CFAP77: variants seen among roughly 807,000 people sequenced by gnomAD.
The protein encoded by CFAP77 is cilia and flagella associated protein 77.
CFAP77 carries 25 observed loss-of-function variants against 31.1 expected under a neutral mutation model. The observed-to-expected ratio is 0.80, with a 90% CI of 0.59 to 1.12. The LOEUF is 1.12. Ranked by LOEUF, CFAP77 falls within the 50% of genes most tolerant of loss-of-function variation. The pLI, the probability that CFAP77 is intolerant of heterozygous loss-of-function variation, is 0.00. For synonymous variants in CFAP77, 151 were observed against 159.9 expected, an observed-to-expected ratio of 0.94 and a Z score of 0.42; for missense variants, 377 against 397.3, an observed-to-expected ratio of 0.95 and a Z score of 0.44.
intron 1 of CFAP77, among the ~76,000 whole-genome samples, chr9:132,417,118 CTT>C (rs142153092): frequency 6.5e-5 from 9 of 139,170 alleles, no homozygotes; most frequent in Non-Finnish European, 3.1e-5. Context: ...TTCTTTTTTT[CTT>C]TTTTTTTTTT....
At chr9:132,460,646 A>C (rs908020046) in intron 1 of CFAP77, among the ~76,000 whole-genome samples, 2 of 152,162 alleles carry the variant, frequency 1.3e-5, no homozygotes, top group Admixed American at 6.5e-5. Context: ...CTCAACGGGT[A>C]TGAGATAACC....
intron 3 of CFAP77, among the ~76,000 whole-genome samples, chr9:132,506,635 A>G (rs1340179848): frequency 6.6e-6 from 1 of 152,098 alleles, no homozygotes; most frequent in Non-Finnish European, 1.5e-5. Flanking sequence ...CACATGGGCC[A>G]GATGGAAGGT....
rs141042523 is a variant in CFAP77, at chr9:132,448,768, G to C, written c.195+38302G>C. Among the ~76,000 whole-genome samples the C allele has an allele frequency of 9.0e-3, 1,371 of 152,212 alleles. 9 individuals are homozygous for C. The highest frequency in any genetic ancestry group is 0.015 in the Non-Finnish European group (1,045 of 68,000). On this transcript the variant is annotated intron_variant, in intron 1 of 5. Coordinates refer to ENST00000393216, the MANE Select transcript of CFAP77 (RefSeq NM_001282957.2). ...TATCCAGCTAATTTTTGTATTTTTA[G>C]TAGAGACGGGGTTTCACCATGTTGG...
rs1406341275 is a variant in CFAP77 at position 132,565,726 on chromosome 9, C to T, written c.733-6662C>T. On this transcript the variant is annotated intron_variant, in intron 5 of 5. Transcript: ENST00000393216. This position sits in a 1 kb window ranked among gnomAD's most constrained non-coding sequence, Gnocchi z 4.1. ...GCTTCCCAAGATGTCTCCCTGGGTC[C>T]ATGTGGGCTCTGCCTTCCTGGCAGG... Among the ~76,000 whole-genome samples the T allele has an allele frequency of 6.6e-6, 1 of 152,170 alleles. No individual in the cohort carries two copies. The highest frequency in any genetic ancestry group is 1.5e-5 in the Non-Finnish European group (1 of 68,022).
chr9:132,553,594 T>C (rs1852854000), intron 5 of CFAP77, among the ~76,000 whole-genome samples: 1 of 152,186 alleles, frequency 6.6e-6, no homozygotes, highest in Non-Finnish European at 1.5e-5. Context: ...AATCACCTTC[T>C]CTCCCTTCCA....
intron 1 of CFAP77, among the ~76,000 whole-genome samples, chr9:132,438,980 A>G (rs1253828260): frequency 6.7e-6 from 1 of 149,438 alleles, no homozygotes; most frequent in Non-Finnish European, 1.5e-5. Context: ...GGTTCAAGCG[A>G]TTCTCCCACC....
chr9:132,417,506 G>T (rs1265113647), intron 1 of CFAP77, among the ~76,000 whole-genome samples: 1 of 152,226 alleles, frequency 6.6e-6, no homozygotes, highest in Non-Finnish European at 1.5e-5. Context: ...AGAGAGGAAG[G>T]CCAGCAGTGT....
intron 5 of CFAP77, among the ~76,000 whole-genome samples, chr9:132,559,344 TGC>T (rs1564252522): frequency 8.8e-5 from 2 of 22,786 alleles, no homozygotes; most frequent in African/African-American, 3.5e-4. Context: ...GACTCTGTCT[TGC>T]AAAAAAAAAA....
chr9:132,435,673 T>C (rs1196642225), intron 1 of CFAP77, among the ~76,000 whole-genome samples: 2 of 152,196 alleles, frequency 1.3e-5, no homozygotes, highest in African/African-American at 4.8e-5. Flanking sequence ...GCAGACTTAA[T>C]GTCTACACCA....
intron 1 of CFAP77, among the ~76,000 whole-genome samples, chr9:132,471,697 G>GTT (rs940649246): frequency 2.0e-5 from 3 of 151,572 alleles, no homozygotes; most frequent in Non-Finnish European, 2.9e-5. Context: ...TTTTTGTTTT[G>GTT]TTTTGTTTTG....
In CFAP77 at chr9:132,420,774, A is replaced by G. The variant is rs549643659; in HGVS notation, c.195+10308A>G. The stretch of plus-strand genomic sequence containing the variant: ...CATAATGTGTACCAGGCACAGTACC[A>G]GGCACCAAGGATACAGGGGTAAACC... On this transcript the variant is annotated intron_variant, in intron 1 of 5. Transcript: ENST00000393216. Among the ~76,000 whole-genome samples, 29 of 152,294 alleles carry G rather than the reference A, an allele frequency of 1.9e-4. 1 individual carries two copies. In the South Asian group the frequency reaches 5.8e-3, roughly 30 times the overall value.
chr9:132,557,985 G>A lies in CFAP77; in HGVS notation c.733-14403G>A, dbSNP rs916663018. On this transcript the variant is annotated intron_variant, in intron 5 of 5. Transcript: ENST00000393216. The stretch of plus-strand genomic sequence containing the variant: ...AAACCTGGCACTCCACCTCCCTCCC[G>A]TGCCCACGGCAGACCTTACTAATCA... 5.3e-5 allele frequency among the ~76,000 whole-genome samples: 8 copies of A among 152,210 alleles called. 1 individual carries two copies. The South Asian group carries it at 6.2e-4, about 12-fold the overall frequency.
intron 1 of CFAP77, among the ~76,000 whole-genome samples, chr9:132,493,883 T>TTTC (rs1564226527): frequency 3.3e-5 from 5 of 150,874 alleles, no homozygotes; most frequent in Admixed American, 2.0e-4. Flanking sequence ...TCTTTCCTTT[T>TTTC]CTTTTCTTTT....
intron 5 of CFAP77, among the ~76,000 whole-genome samples, chr9:132,569,421 G>A (rs565215046): frequency 1.1e-4 from 17 of 150,080 alleles, no homozygotes; most frequent in African/African-American, 4.1e-4. Context: ...GAGGGTGGTA[G>A]GGGGGAAAAG....
intron 1 of CFAP77, among the ~76,000 whole-genome samples, chr9:132,417,219 A>G (rs1263556101): frequency 6.6e-6 from 1 of 151,876 alleles, no homozygotes; most frequent in Non-Finnish European, 1.5e-5. Context: ...GGTTCAAGCA[A>G]TTCTCTTGCC....
chr9:132,488,608 G>A (rs542022375), intron 1 of CFAP77, among the ~76,000 whole-genome samples: 29 of 152,226 alleles, frequency 1.9e-4, no homozygotes, highest in Middle Eastern at 3.2e-3. Context: ...AGAGACCTTC[G>A]TTCCTGGGTC....
chr9:132,434,614 A>G (rs936720564), intron 1 of CFAP77, among the ~76,000 whole-genome samples: 8 of 152,184 alleles, frequency 5.3e-5, no homozygotes, highest in African/African-American at 9.7e-5. Context: ...GGTGGAACCT[A>G]TGAATCTACA....
intron 3 of CFAP77, among the ~76,000 whole-genome samples, chr9:132,531,644 G>A (rs1816306141): frequency 6.6e-6 from 1 of 151,002 alleles, no homozygotes; most frequent in South Asian, 2.1e-4. Flanking sequence ...GGGCATGGAA[G>A]GCATTTTAAG....
intron 1 of CFAP77, among the ~76,000 whole-genome samples, chr9:132,454,740 A>G (rs1280165499): frequency 6.6e-6 from 1 of 152,216 alleles, no homozygotes; most frequent in Non-Finnish European, 1.5e-5. Context: ...ACATACCTAT[A>G]ACGTAGCCAG....
Sources: allele counts gnomAD v4.1 joint callset (sites outside exome capture counted in the v4.1 genomes callset), GRCh38; gene constraint gnomAD v4.1.1; non-coding constraint Gnocchi (gnomAD v3.1); transcripts MANE v1.5; gene names NCBI Gene and HGNC (gene_info 2026-07-23, HGNC 2026-07-21).